The following CCDC148 variants were observed in gnomAD, a reference collection of about 807,000 sequenced individuals.
CCDC148 encodes coiled-coil domain containing 148.
A neutral mutation model predicts 85.7 loss-of-function variants in CCDC148; 89 were observed. That is an observed-to-expected ratio of 1.04 (90% CI 0.87 to 1.24). CCDC148 has a LOEUF of 1.24. CCDC148 is among the 50% of genes most tolerant of loss of function. The probability of loss-of-function intolerance (pLI) is 0.00; values close to 1 mark genes in which losing one functional copy is unlikely to be tolerated. For synonymous variants in CCDC148, 230 were observed against 213.9 expected (o/e 1.08, Z -0.66); for missense variants, 692 against 671.7 (o/e 1.03, Z -0.33).
chr2:158,251,365 T>C (rs1688786678), intron 9 of CCDC148, among the ~76,000 whole-genome samples: 1 of 151,878 alleles, frequency 6.6e-6, no homozygotes, highest in African/African-American at 2.4e-5. Context: ...TGAATTAAGA[T>C]GAAAAATAAT....
intron 1 of CCDC148, among the ~76,000 whole-genome samples, chr2:158,431,309 T>A (rs1464265973): frequency 4.0e-5 from 6 of 150,780 alleles, no homozygotes; most frequent in African/African-American, 1.2e-4. Flanking sequence ...TAAAAAAAAC[T>A]GTCATAAAAA....
In CCDC148 at chr2:158,178,962, A is replaced by G. The variant is rs781646752; in HGVS notation, c.1405T>C (p.Leu469=). The G allele has an allele frequency of 1.2e-6, 2 of 1,613,444 alleles. No homozygotes were observed. Among genetic ancestry groups the G allele is most frequent in the Non-Finnish European group, 8.5e-7 (1 of 1,179,684 alleles). ...KYRQELLERR[L]MEKKEVALQE... is the part of the protein sequence containing the mutation. ...AGGGCCACTTCCTTTTTCTCCATCA[A>G]ACGCCTTTCCAATAATTCTTGTCTA... The change falls in exon 12 of 14, where the codon TTG becomes CTG. Residue 469 remains leucine, a synonymous_variant. Coordinates refer to ENST00000283233, the MANE Select transcript of CCDC148 (RefSeq NM_138803.4).
intron 11 of CCDC148, among the ~76,000 whole-genome samples, chr2:158,207,954 G>GACACACAC (rs34660144): frequency 3.6e-3 from 543 of 149,084 alleles, no homozygotes; most frequent in African/African-American, 8.0e-3. Context: ...ATTTTGATCT[G>GACACACAC]ACACACACAC....
chr2:158,356,438 C>G (rs1451028652), intron 2 of CCDC148, among the ~76,000 whole-genome samples: 1 of 148,656 alleles, frequency 6.7e-6, no homozygotes, highest in Admixed American at 6.7e-5. Flanking sequence ...ACAGACACTT[C>G]TCAAAAGAAG....
At chr2:158,408,246 C>G (rs946563073) in intron 1 of CCDC148, among the ~76,000 whole-genome samples, 1 of 152,088 alleles carries the variant, frequency 6.6e-6, no homozygotes, top group Non-Finnish European at 1.5e-5. Flanking sequence ...GGTGAGAACA[C>G]TTAATATATA....
chr2:158,192,259 G>T (rs1204581802), intron 11 of CCDC148, among the ~76,000 whole-genome samples: 1 of 152,000 alleles, frequency 6.6e-6, no homozygotes, highest in African/African-American at 2.4e-5. Flanking sequence ...ATGTCCATAT[G>T]GGTCTCTCTT....
At chr2:158,209,896 G>A (rs1686466208) in intron 11 of CCDC148, among the ~76,000 whole-genome samples, 1 of 132,694 alleles carries the variant, frequency 7.5e-6, no homozygotes, top group South Asian at 2.2e-4. Context: ...TGAAGAAACT[G>A]TATCAACTAA....
intron 1 of CCDC148, among the ~76,000 whole-genome samples, chr2:158,376,650 T>C (rs1263412858): frequency 6.6e-6 from 1 of 150,678 alleles, no homozygotes; most frequent in Non-Finnish European, 1.5e-5. Flanking sequence ...AAGGGGAAGA[T>C]GAAAGGAGTT....
At chr2:158,343,515 A>G (rs1682845896) in intron 3 of CCDC148, among the ~76,000 whole-genome samples, 2 of 152,338 alleles carry the variant, frequency 1.3e-5, no homozygotes, top group Admixed American at 6.5e-5. Flanking sequence ...GCTTTTGCCC[A>G]ACCTAATATT....
intron 9 of CCDC148, among the ~76,000 whole-genome samples, chr2:158,284,744 C>T (rs955173039): frequency 6.6e-6 from 1 of 152,098 alleles, no homozygotes; most frequent in Non-Finnish European, 1.5e-5. Flanking sequence ...ATTTTTAATT[C>T]AATGTCTAGT....
intron 9 of CCDC148, among the ~76,000 whole-genome samples, chr2:158,277,128 G>A (rs1001389539): frequency 3.3e-5 from 5 of 152,166 alleles, no homozygotes; most frequent in African/African-American, 1.2e-4. Flanking sequence ...CAAATGTATA[G>A]AGACTATACC....
intron 1 of CCDC148, among the ~76,000 whole-genome samples, chr2:158,423,192 G>A (rs185793312): frequency 1.3e-5 from 2 of 152,194 alleles, no homozygotes; most frequent in East Asian, 1.9e-4. Context: ...TCCCCATCAA[G>A]CTACCAATGA....
chr2:158,282,079 G>T (rs199936278), intron 9 of CCDC148, among the ~76,000 whole-genome samples: 1 of 150,338 alleles, frequency 6.7e-6, no homozygotes, highest in Non-Finnish European at 1.5e-5. Flanking sequence ...ATTCAACAAC[G>T]CTTCATGCTA....
At chr2:158,263,924 A>T (rs527737641) in intron 9 of CCDC148, among the ~76,000 whole-genome samples, 14 of 151,864 alleles carry the variant, frequency 9.2e-5, no homozygotes, top group South Asian at 8.3e-4. Context: ...TATATAATTT[A>T]AAAAAGCATT....
intron 1 of CCDC148, among the ~76,000 whole-genome samples, chr2:158,363,292 G>T (rs977885542): frequency 6.6e-6 from 1 of 152,116 alleles, no homozygotes; most frequent in Non-Finnish European, 1.5e-5. Context: ...GAAAAAGAGG[G>T]AATCCTCCCT....
intron 9 of CCDC148, among the ~76,000 whole-genome samples, chr2:158,254,434 T>C (rs1574489960): frequency 6.6e-6 from 1 of 151,828 alleles, no homozygotes; most frequent in Non-Finnish European, 1.5e-5. Flanking sequence ...TAAGTAAGAA[T>C]ACAGATAAAA....
intron 9 of CCDC148, among the ~76,000 whole-genome samples, chr2:158,256,657 G>A (rs1689024243): frequency 6.6e-6 from 1 of 151,672 alleles, no homozygotes; most frequent in Admixed American, 6.6e-5. Context: ...TTCTGTGCCA[G>A]GCTAATGTTT....
chr2:158,332,323 G>T (rs897725221), intron 7 of CCDC148, among the ~76,000 whole-genome samples: 9 of 151,044 alleles, frequency 6.0e-5, no homozygotes, highest in African/African-American at 1.7e-4. Context: ...TTAAGAATGT[G>T]GAATATTGGC....
intron 2 of CCDC148, among the ~76,000 whole-genome samples, chr2:158,355,446 G>A (rs1162730922): frequency 6.6e-6 from 1 of 152,086 alleles, no homozygotes; most frequent in African/African-American, 2.4e-5. Flanking sequence ...CAGAAAAACA[G>A]AGAGCCAAAT....
Sources: gnomAD v4.1 joint callset for allele counts (sites outside exome capture counted in the v4.1 genomes callset) on GRCh38, gnomAD v4.1.1 for gene constraint, MANE v1.5 for transcripts, NCBI Gene and HGNC (gene_info 2026-07-23, HGNC 2026-07-21) for gene names.